Variants in SCAF11 observed in about 807,000 individuals in gnomAD.
The protein encoded by SCAF11 is protein SCAF11.
SCAF11 carries 47 observed loss-of-function variants against 140.5 expected under a neutral mutation model. That is an observed-to-expected ratio of 0.33 (90% CI 0.26 to 0.43). The LOEUF (loss-of-function observed/expected upper bound fraction) is 0.43. SCAF11 is among the 20% of genes least tolerant of loss of function. The pLI is 1.00. For synonymous variants in SCAF11, 557 were observed against 579.4 expected, an observed-to-expected ratio of 0.96 and a Z score of 0.55; for missense variants, 1,645 against 1,705.1, an observed-to-expected ratio of 0.96 and a Z score of 0.62.
chr12:45,945,298 T>TA lies in SCAF11; in HGVS notation c.413dup (p.Arg139LysfsTer11). The TA allele has an allele frequency of 6.4e-7, 1 of 1,572,138 alleles. No homozygotes were observed. The highest frequency in any genetic ancestry group is 8.6e-7 in the Non-Finnish European group (1 of 1,156,874). On this transcript the variant is annotated frameshift_variant, in exon 6 of 15. Transcript: ENST00000369367. LOFTEE classifies it high-confidence loss of function. ...CTTTTGCACTTAATAGATCTTCTCT[T>TA]ACGATGGCTTTTCTTCTGTAAACAT...
intron 9 of SCAF11, 121 bp downstream of exon 9, chr12:45,933,010 A>G: frequency 1.6e-6 from 1 of 639,382 alleles, no homozygotes; most frequent in South Asian, 2.5e-5. Flanking sequence ...CCAAAGTTTA[A>G]TTTGCACAAA....
At chr12:45,978,439 T>C (rs987319871) in intron 1 of SCAF11, among the ~76,000 whole-genome samples, 7 of 152,210 alleles carry the variant, frequency 4.6e-5, no homozygotes, top group Admixed American at 3.3e-4. Flanking sequence ...GGATGAGTTA[T>C]ACATTTGGAA....
chr12:45,969,059 T>C (rs781382536), intron 1 of SCAF11, among the ~76,000 whole-genome samples: 1 of 152,242 alleles, frequency 6.6e-6, no homozygotes, highest in Non-Finnish European at 1.5e-5. Flanking sequence ...AGAAACTAAA[T>C]TTTAAATTTT....
Sources: allele counts gnomAD v4.1 joint callset (sites outside exome capture counted in the v4.1 genomes callset), GRCh38; gene constraint gnomAD v4.1.1; transcripts MANE v1.5; gene names NCBI Gene and HGNC (gene_info 2026-07-23, HGNC 2026-07-21).